TXNRD2: variants seen among roughly 807,000 people sequenced by gnomAD.
TXNRD2 encodes the protein thioredoxin reductase 2, mitochondrial.
A neutral mutation model predicts 70.8 loss-of-function variants in TXNRD2; 67 were observed. The ratio of observed to expected loss-of-function variants is 0.95; its 90% CI spans 0.78 to 1.16. TXNRD2 has a LOEUF of 1.16. Ranked by LOEUF, TXNRD2 falls within the 50% of genes most tolerant of loss-of-function variation. TXNRD2 has a pLI of 0.00. For missense variants in TXNRD2, 644 were observed against 719.9 expected (o/e 0.89, Z 1.21); for synonymous variants, 301 against 295.8 (o/e 1.02, Z -0.18).
At chr22:19,923,861 T>C (rs893554480) in intron 2 of TXNRD2, among the ~76,000 whole-genome samples, 8 of 150,320 alleles carry the variant, frequency 5.3e-5, no homozygotes, top group Middle Eastern at 3.4e-3. Flanking sequence ...TTTTTTTTTT[T>C]TTTTTCAAAT....
At chr22:19,924,702 A>T (rs562839891) in intron 2 of TXNRD2, among the ~76,000 whole-genome samples, 1 of 152,342 alleles carries the variant, frequency 6.6e-6, no homozygotes, top group Non-Finnish European at 1.5e-5. Flanking sequence ...GTTTGAAAAC[A>T]TAGGAATAGA....
chr22:19,933,195 C>A (rs1442929510), intron 1 of TXNRD2, among the ~76,000 whole-genome samples: 4 of 152,258 alleles, frequency 2.6e-5, no homozygotes, highest in African/African-American at 9.6e-5. Context: ...AGAGCCACAA[C>A]TCGGTTCCAA....
intron 1 of TXNRD2, among the ~76,000 whole-genome samples, chr22:19,936,537 C>T (rs929009041): frequency 5.9e-5 from 9 of 152,158 alleles, no homozygotes; most frequent in Non-Finnish European, 1.3e-4. Flanking sequence ...TACAATTTAC[C>T]TGTAATTCTG....
In TXNRD2 at chr22:19,883,349, G is replaced by A. The variant is rs764322270; in HGVS notation, c.1062C>T (p.Ile354=). The change falls in exon 12 of 18, where the codon ATC becomes ATT. Residue 354 remains isoleucine (I), a synonymous_variant. Coordinates refer to ENST00000400521, the MANE Select transcript of TXNRD2 (RefSeq NM_006440.5). ...DSREATSVPH[I]YAIGDVVEGR... ...CCTCCACCACGTCACCAATGGCGTA[G>A]ATGTGGGGCACAGAGGTGGCTTCCC... The A allele has an allele frequency of 6.2e-7, 1 of 1,613,996 alleles. No individual in the cohort carries two copies.
intron 11 of TXNRD2, among the ~76,000 whole-genome samples, chr22:19,888,157 C>T (rs1206556625): frequency 6.6e-6 from 1 of 152,248 alleles, no homozygotes; most frequent in Non-Finnish European, 1.5e-5. Flanking sequence ...CCAGGCCCAG[C>T]AGTGCAGCAC....
rs1940729732 is a variant in TXNRD2 at position 19,918,299 on chromosome 22, TG to T, written c.375-83del. 8.2e-6 allele frequency: 10 copies of T among 1,219,872 alleles called. No individual in the cohort carries two copies. In the South Asian group the frequency reaches 1.2e-4, roughly 15 times the overall value. 75.6% of individuals were successfully genotyped at this position (1,219,872 alleles called of 1,614,324 possible). On this transcript the variant is annotated intron_variant, in intron 4 of 17. Transcript: ENST00000400521. ...CTCACGATGGACTATTAGATTCAAA[TG>T]GTACATTCATAGAAATATCAAAAAA...
intron 10 of TXNRD2, among the ~76,000 whole-genome samples, chr22:19,897,330 G>C (rs1431006015): frequency 6.6e-6 from 1 of 152,140 alleles, no homozygotes; most frequent in Admixed American, 6.5e-5. Context: ...CTGCAGATCT[G>C]CACAGCTCAC....
At chr22:19,938,814 A>C (rs1941611439) in intron 1 of TXNRD2, among the ~76,000 whole-genome samples, 1 of 152,180 alleles carries the variant, frequency 6.6e-6, no homozygotes, top group African/African-American at 2.4e-5. Context: ...AAACGTGAAA[A>C]AATTACTAAA....
rs1432750884 is a variant in TXNRD2 at position 19,876,830 on chromosome 22, C to T, written c.*65+210G>A. ...GTGTGGGGAGCAGCTGTGGCCAGGC[C>T]GGGGTCTGGGGTCCCCCGGGGAGGT... On this transcript the variant is annotated intron_variant, in intron 17 of 17. Coordinates refer to ENST00000400521, the MANE Select transcript of TXNRD2 (RefSeq NM_006440.5). 1.1e-5 allele frequency: 4 copies of T among 355,166 alleles called. No individual in the cohort carries two copies. The Admixed American group carries it at 1.2e-4, about 11-fold the overall frequency. 22.0% of individuals were successfully genotyped at this position (355,166 alleles called of 1,614,324 possible). A position where few individuals can be genotyped will look rare whatever the true frequency, so the allele number is the denominator to read the frequency against.
At chr22:19,925,113 T>A (rs1298914792) in intron 2 of TXNRD2, among the ~76,000 whole-genome samples, 1 of 151,226 alleles carries the variant, frequency 6.6e-6, no homozygotes, top group African/African-American at 2.4e-5. Context: ...CGAAGCCCCG[T>A]TTCTACTAAA....
intron 12 of TXNRD2, among the ~76,000 whole-genome samples, chr22:19,882,300 A>G (rs1335664677): frequency 6.6e-6 from 1 of 152,088 alleles, no homozygotes; most frequent in African/African-American, 2.4e-5. Context: ...CCGAGTTCAA[A>G]TGATTCTCCT....
At chr22:19,896,077 C>T (rs1939492901) in intron 10 of TXNRD2, among the ~76,000 whole-genome samples, 1 of 151,958 alleles carries the variant, frequency 6.6e-6, no homozygotes, top group South Asian at 2.1e-4. Flanking sequence ...GCGGGCGGAT[C>T]ACGAGGTCAG....
chr22:19,897,546 CG>C (rs1393877476), intron 10 of TXNRD2, among the ~76,000 whole-genome samples: 1 of 152,188 alleles, frequency 6.6e-6, no homozygotes, highest in Non-Finnish European at 1.5e-5. Flanking sequence ...CTGTACACAG[CG>C]CACCTGTCCA....
chr22:19,922,648 C>T (rs759546905), intron 2 of TXNRD2, among the ~76,000 whole-genome samples: 1 of 152,126 alleles, frequency 6.6e-6, no homozygotes, highest in African/African-American at 2.4e-5. Flanking sequence ...TATATGGTAG[C>T]TACTTTTCAC....
chr22:19,941,794 T>C lies in TXNRD2; in HGVS notation c.10A>G (p.Met4Val). The change falls in exon 1 of 18, where the codon ATG becomes GTG. Residue 4 changes from methionine (M) to valine (V), a missense_variant. Around this residue, in one of 3 missense-constraint regions of TXNRD2, gnomAD observed 71 missense variants for 53.6 expected, o/e 1.33. Transcript: ENST00000400521. MAAMAVALRGLGGR... is the reference protein window; with the variant it reads MAAVAVALRGLGGR... The stretch of plus-strand genomic sequence containing the variant: ...CCTAATCCCCGCAGCGCCACCGCCA[T>C]TGCCGCCATCGTCGTGGGGCTTCTG... 1 of 1,534,616 alleles carries C rather than the reference T, an allele frequency of 6.5e-7. No homozygotes were observed. Among genetic ancestry groups the C allele is most frequent in the Non-Finnish European group, 8.7e-7 (1 of 1,151,692 alleles).
At chr22:19,927,512 G>C (rs12168788) in intron 2 of TXNRD2, among the ~76,000 whole-genome samples, 1 of 151,258 alleles carries the variant, frequency 6.6e-6, no homozygotes, top group Non-Finnish European at 1.5e-5. Context: ...ACAAAAAGTA[G>C]CTGGGCATGG....
intron 8 of TXNRD2, among the ~76,000 whole-genome samples, chr22:19,905,410 G>A (rs1485400441): frequency 2.6e-5 from 4 of 151,776 alleles, no homozygotes; most frequent in South Asian, 2.1e-4. Flanking sequence ...GTGTCTTCCC[G>A]GCCGAGCCAG....
At chr22:19,938,602 A>T (rs1015478732) in intron 1 of TXNRD2, among the ~76,000 whole-genome samples, 32 of 152,298 alleles carry the variant, frequency 2.1e-4, no homozygotes, top group African/African-American at 7.7e-4. Flanking sequence ...ACCAGAGCAC[A>T]TTTATCTTGG....
In TXNRD2 at chr22:19,878,118, C is replaced by A; in HGVS notation, c.1417G>T (p.Val473Phe). ...ATCCCCAGAGCAAATCCTTGAGTAA[C>A]TTCGCCTGCGTTGGGGCCAAGGAAA... Reference protein sequence around the residue: ...LHFLGPNAGEVTQGFALGIKC... With the variant: ...LHFLGPNAGEFTQGFALGIKC... The change falls in exon 16 of 18, where the codon GTT (valine) becomes TTT (phenylalanine). Residue 473 changes from valine (V) to phenylalanine (F), a missense_variant. By Grantham distance (50) the Val-to-Phe change is conservative. This residue lies in a region of TXNRD2 where 566 missense variants were observed against 645.0 expected (regional missense o/e 0.88). Transcript: ENST00000400521. 1.2e-6 allele frequency: 2 copies of A among 1,613,568 alleles called. No homozygotes were observed. Among genetic ancestry groups the A allele is most frequent in the Non-Finnish European group, 1.7e-6 (2 of 1,180,020 alleles).
Sources: gnomAD v4.1 joint callset for allele counts (sites outside exome capture counted in the v4.1 genomes callset) on GRCh38, gnomAD v4.1.1 for gene constraint, gnomAD v4.1.1 regional missense constraint, MANE v1.5 for transcripts, NCBI Gene and HGNC (gene_info 2026-07-23, HGNC 2026-07-21) for gene names.